PHF24: variants seen among roughly 807,000 people sequenced by gnomAD.
The protein encoded by PHF24 is PHD finger protein 24.
Under a neutral mutation model 42.6 loss-of-function variants are expected in PHF24, and 25 were observed. The ratio of observed to expected loss-of-function variants is 0.59; its 90% confidence interval spans 0.43 to 0.82. PHF24 has a LOEUF of 0.82. Ranked by LOEUF, PHF24 falls within the 40% of genes least tolerant of loss-of-function variation. The pLI, the probability that PHF24 is intolerant of heterozygous loss-of-function variation, is 0.00. For synonymous variants in PHF24, 185 were observed against 204.8 expected (o/e 0.90, Z 0.83); for missense variants, 470 against 538.1 (o/e 0.87, Z 1.25).
At chr9:34,695,668 G>A in the PHF24 span, among the ~76,000 whole-genome samples, 1 of 152,052 alleles carries the variant, frequency 6.6e-6, no homozygotes, top group Admixed American at 6.5e-5. Flanking sequence ...CTGAATTAGG[G>A]GACACCCATC....
At chr9:34,709,992 C>T in the PHF24 span, 1 of 1,613,984 alleles carries the variant, frequency 6.2e-7, no homozygotes, top group African/African-American at 1.3e-5. Flanking sequence ...CCCTCCCTGC[C>T]TTGGTACCTT....
chr9:34,906,319 C>A, the PHF24 span, among the ~76,000 whole-genome samples: 1 of 152,096 alleles, frequency 6.6e-6, no homozygotes, highest in African/African-American at 2.4e-5. Flanking sequence ...TAAATCAGTA[C>A]ATGAAGGGTA....
the PHF24 span, among the ~76,000 whole-genome samples, chr9:34,763,324 C>A: frequency 6.6e-6 from 1 of 152,158 alleles, no homozygotes; most frequent in East Asian, 1.9e-4. Context: ...TTCTTCCTAC[C>A]CATGAGCATG....
At chr9:34,826,094 C>A in the PHF24 span, among the ~76,000 whole-genome samples, 3 of 152,052 alleles carry the variant, frequency 2.0e-5, no homozygotes, top group Non-Finnish European at 2.9e-5. Context: ...GCAGCACCCA[C>A]CCCTCCTTCT....
the PHF24 span, among the ~76,000 whole-genome samples, chr9:34,839,292 G>A: frequency 6.6e-6 from 1 of 152,182 alleles, no homozygotes; most frequent in East Asian, 1.9e-4. Context: ...TTCTGGCTTT[G>A]GGTCGCAAAC....
At chr9:34,795,175 T>C in the PHF24 span, among the ~76,000 whole-genome samples, 1 of 152,032 alleles carries the variant, frequency 6.6e-6, no homozygotes, top group Non-Finnish European at 1.5e-5. Context: ...CTTGAGGAGG[T>C]TGAGGCTGCA....
the PHF24 span, among the ~76,000 whole-genome samples, chr9:34,803,397 GAAAA>G: frequency 0.33 from 49,069 of 147,730 alleles, 8,608 homozygotes; most frequent in East Asian, 0.56. Context: ...TTCTAAAAAG[GAAAA>G]AAAAAAAAAA....
intron 5 of PHF24, 68 bp from the exon 6 acceptor site, chr9:34,977,015 A>G: frequency 6.7e-7 from 1 of 1,496,560 alleles, no homozygotes; most frequent in East Asian, 2.3e-5. Context: ...TAATGGAGAT[A>G]GGATTCTCTA....
the PHF24 span, among the ~76,000 whole-genome samples, chr9:34,765,876 G>C: frequency 1.8e-3 from 268 of 152,042 alleles, 1 homozygote; most frequent in Admixed American, 3.3e-3. Context: ...TCCTTCAGGA[G>C]CTCTTTTAGG....
At chr9:34,859,245 A>C in the PHF24 span, among the ~76,000 whole-genome samples, 1 of 152,064 alleles carries the variant, frequency 6.6e-6, no homozygotes, top group African/African-American at 2.4e-5. Context: ...GGCACTTGCT[A>C]CTTCTCTCCA....
chr9:34,785,403 A>C, the PHF24 span, among the ~76,000 whole-genome samples: 3 of 152,232 alleles, frequency 2.0e-5, no homozygotes, highest in African/African-American at 7.2e-5. Context: ...CAACACATGA[A>C]TTTTGGAGGG....
At chr9:34,928,524 C>T in the PHF24 span, among the ~76,000 whole-genome samples, 1 of 152,180 alleles carries the variant, frequency 6.6e-6, no homozygotes, top group African/African-American at 2.4e-5. Flanking sequence ...AAAAGACTCT[C>T]CTGAGCTAAA....
chr9:34,954,645 A>G (rs1437080372), upstream of PHF24, among the ~76,000 whole-genome samples: 1 of 152,234 alleles, frequency 6.6e-6, no homozygotes, highest in East Asian at 1.9e-4. Flanking sequence ...CCTAAGAGAA[A>G]TTAGTCTCAT....
the PHF24 span, among the ~76,000 whole-genome samples, chr9:34,875,940 ACACACACACACTCTCTCTCTCTCT>A: frequency 2.1e-4 from 19 of 89,338 alleles, 1 homozygote; most frequent in East Asian, 1.5e-3. Flanking sequence ...ACACACACAC[ACACACACACACTCTCTCTCTCTCT>A]CTCTCTCTCT....
the PHF24 span, among the ~76,000 whole-genome samples, chr9:34,815,298 G>A: frequency 2.0e-4 from 29 of 148,374 alleles, no homozygotes; most frequent in African/African-American, 7.3e-4. Context: ...TTTGGACTTT[G>A]TTTTCCTTTA....
At chr9:34,907,968 G>C in the PHF24 span, among the ~76,000 whole-genome samples, 1 of 151,714 alleles carries the variant, frequency 6.6e-6, no homozygotes, top group South Asian at 2.1e-4. Context: ...TCAGCCTCCC[G>C]AGTAGCTGGG....
chr9:34,693,081 G>A, the PHF24 span, among the ~76,000 whole-genome samples: 2 of 152,174 alleles, frequency 1.3e-5, no homozygotes, highest in Non-Finnish European at 2.9e-5. Context: ...GATTACAGGC[G>A]TGAGCCACCG....
At chr9:34,833,407 C>T in the PHF24 span, 1 of 1,550,938 alleles carries the variant, frequency 6.4e-7, no homozygotes, top group South Asian at 1.2e-5. Flanking sequence ...AGTCATTGGC[C>T]AGCTGTTCTT....
chr9:34,739,448 T>G, the PHF24 span, among the ~76,000 whole-genome samples: 1 of 152,162 alleles, frequency 6.6e-6, no homozygotes, highest in Non-Finnish European at 1.5e-5. Flanking sequence ...CAAAGACATA[T>G]GAAAGGATAG....
Sources: allele counts gnomAD v4.1 joint callset (sites outside exome capture counted in the v4.1 genomes callset), GRCh38; gene constraint gnomAD v4.1.1; transcripts MANE v1.5; gene names NCBI Gene and HGNC (gene_info 2026-07-23, HGNC 2026-07-21).